Variants in PCDH11X observed in about 807,000 individuals in gnomAD.
The protein encoded by PCDH11X is protocadherin-11 X-linked.
Under a neutral mutation model 53.3 loss-of-function variants are expected in PCDH11X, and 18 were observed. The ratio of observed to expected loss-of-function variants is 0.34; its 90% CI spans 0.23 to 0.50. The LOEUF is 0.50. PCDH11X is among the 20% of genes least tolerant of loss of function. The probability of loss-of-function intolerance (pLI) is 0.98; values close to 1 mark genes in which losing one functional copy is unlikely to be tolerated. For missense variants in PCDH11X, 570 were observed against 1,032.4 expected, an observed-to-expected ratio of 0.55 and a Z score of 6.14; for synonymous variants, 279 against 393.3, an observed-to-expected ratio of 0.71 and a Z score of 3.44.
rs58212809 is a variant in PCDH11X, at chrX:92,208,508, AATATATAT to A, written c.3114+7075_3114+7082del. The stretch of plus-strand genomic sequence containing the variant: ...ACAACCGAAGGTGGTCCCTGAAACT[AATATATAT>A]ATATATATATATATATATATACAAT... On this transcript the variant is annotated intron_variant, in intron 7 of 10. Coordinates refer to ENST00000682573, the MANE Select transcript of PCDH11X (RefSeq NM_032968.5). 8.0e-3 allele frequency among the ~76,000 whole-genome samples: 246 copies of A among 30,657 alleles called. 19 individuals are homozygous for A. In the East Asian group the frequency reaches 0.089, roughly 11 times the overall value. The allele number at this position is 30,657 out of a possible 115,157, so 26.6% of individuals were successfully genotyped here. A position where few individuals can be genotyped will look rare whatever the true frequency, so the allele number is the denominator to read the frequency against.
At chrX:91,940,386 C>T (rs1457966485) in intron 6 of PCDH11X, among the ~76,000 whole-genome samples, 9 of 111,570 alleles carry the variant, frequency 8.1e-5, no homozygotes, top group East Asian at 5.7e-4. Context: ...ATTTATAAAA[C>T]ATTAATGACA....
intron 6 of PCDH11X, among the ~76,000 whole-genome samples, chrX:92,103,588 G>A (rs1158250920): frequency 2.7e-5 from 3 of 111,829 alleles, no homozygotes; most frequent in Non-Finnish European, 3.8e-5. Context: ...TGCCAGGTGA[G>A]TTGAACAGTC....
At chrX:92,128,175 G>A (rs188353754) in intron 6 of PCDH11X, among the ~76,000 whole-genome samples, 53 of 111,303 alleles carry the variant, frequency 4.8e-4, no homozygotes, top group African/African-American at 1.7e-3. Flanking sequence ...CTTTACAAAC[G>A]TAAAATAGTC....
At chrX:92,443,814 T>G (rs1367551056) in intron 9 of PCDH11X, among the ~76,000 whole-genome samples, 1 of 111,738 alleles carries the variant, frequency 8.9e-6, no homozygotes, top group Non-Finnish European at 1.9e-5. Context: ...TTGTTGACTT[T>G]GTTGAAGATA....
intron 8 of PCDH11X, among the ~76,000 whole-genome samples, chrX:92,343,374 C>T (rs1156467310): frequency 1.8e-5 from 2 of 111,730 alleles, no homozygotes; most frequent in Non-Finnish European, 3.8e-5. Context: ...AATAGCTTTA[C>T]TGAGTCGGTT....
intron 6 of PCDH11X, among the ~76,000 whole-genome samples, chrX:91,932,088 T>G (rs1188433417): frequency 9.0e-6 from 1 of 111,154 alleles, no homozygotes; most frequent in Non-Finnish European, 1.9e-5. Flanking sequence ...GTATTTGATT[T>G]TCTGCTCCTG....
chrX:92,325,500 C>T (rs925018524), intron 8 of PCDH11X, among the ~76,000 whole-genome samples: 8 of 111,480 alleles, frequency 7.2e-5, no homozygotes, highest in Non-Finnish European at 1.5e-4. Context: ...GGAAATGCAG[C>T]GTTCTAATTT....
At chrX:92,572,747 G>T (rs1344969463) in intron 10 of PCDH11X, among the ~76,000 whole-genome samples, 1 of 95,476 alleles carries the variant, frequency 1.0e-5, no homozygotes, top group Non-Finnish European at 2.1e-5. Flanking sequence ...AGCCAGGTGT[G>T]GTGGTGTGCA....
chrX:91,827,775 T>C (rs1936970203), intron 4 of PCDH11X, among the ~76,000 whole-genome samples: 1 of 111,302 alleles, frequency 9.0e-6, no homozygotes, highest in South Asian at 3.7e-4. Context: ...TGTGGCCTTA[T>C]ATCTGGGCTC....
chrX:91,871,350 G>A (rs1939299584), intron 5 of PCDH11X, among the ~76,000 whole-genome samples: 1 of 105,703 alleles, frequency 9.5e-6, no homozygotes, highest in African/African-American at 3.5e-5. Context: ...TATCAGGTTA[G>A]TTATTGATAA....
At chrX:91,903,423 G>A (rs1168836686) in intron 6 of PCDH11X, among the ~76,000 whole-genome samples, 2 of 111,075 alleles carry the variant, frequency 1.8e-5, no homozygotes, top group African/African-American at 6.6e-5. Flanking sequence ...ACTCTCCATG[G>A]TGTGGTCTTG....
rs1158660216 is a variant in PCDH11X, at chrX:92,136,984, CTTTTTTT to C, written c.3034-64384_3034-64378del. ...TACTCGTCATTTTTGTTTCTTTTTT[CTTTTTTT>C]TTTTTTCTTGAGACAGAATCTCATA... On this transcript the variant is annotated intron_variant, in intron 6 of 10. Coordinates refer to ENST00000682573, the MANE Select transcript of PCDH11X (RefSeq NM_032968.5). 1.9e-3 allele frequency among the ~76,000 whole-genome samples: 183 copies of C among 94,811 alleles called. 5 individuals carry two copies. Among genetic ancestry groups the C allele is most frequent in the Non-Finnish European group, 5.0e-4 (24 of 47,923 alleles). 82.3% of individuals were successfully genotyped at this position (94,811 alleles called of 115,157 possible).
chrX:91,860,618 T>C (rs778259763), intron 5 of PCDH11X, among the ~76,000 whole-genome samples: 77 of 111,907 alleles, frequency 6.9e-4, no homozygotes, highest in African/African-American at 2.3e-3. Context: ...ATGGCTCTTA[T>C]TATTTTGAGA....
At chrX:91,970,280 G>C (rs1317637216) in intron 6 of PCDH11X, among the ~76,000 whole-genome samples, 2 of 111,389 alleles carry the variant, frequency 1.8e-5, no homozygotes, top group Admixed American at 9.5e-5. Flanking sequence ...CACTTCTGGC[G>C]AGGGTGGCCT....
At chrX:92,370,321 T>C (rs2070585401) in intron 8 of PCDH11X, among the ~76,000 whole-genome samples, 1 of 108,532 alleles carries the variant, frequency 9.2e-6, no homozygotes, top group Non-Finnish European at 1.9e-5. Context: ...TATGGCCATA[T>C]ATATTATCTA....
chrX:92,434,858 A>G (rs1246684443), intron 9 of PCDH11X, among the ~76,000 whole-genome samples: 1 of 109,056 alleles, frequency 9.2e-6, no homozygotes, highest in Non-Finnish European at 1.9e-5. Flanking sequence ...AAAGAAGTCT[A>G]TCGACTCAAT....
At chrX:91,791,529 C>A (rs1014540029) in intron 1 of PCDH11X, among the ~76,000 whole-genome samples, 2 of 109,090 alleles carry the variant, frequency 1.8e-5, no homozygotes, top group African/African-American at 6.7e-5. Context: ...ATCCTATCAC[C>A]TTCCACCAGG....
At chrX:92,488,246 G>C (rs1307905097) in intron 10 of PCDH11X, among the ~76,000 whole-genome samples, 1 of 110,573 alleles carries the variant, frequency 9.0e-6, no homozygotes, top group Admixed American at 9.7e-5. Flanking sequence ...GTTTTGTTCA[G>C]TGTCTTGAGA....
At chrX:92,580,784 G>A (rs968834321) in intron 10 of PCDH11X, among the ~76,000 whole-genome samples, 2 of 111,656 alleles carry the variant, frequency 1.8e-5, no homozygotes, top group Admixed American at 9.5e-5. Flanking sequence ...CTGATCAGCG[G>A]GTTGCATAGA....
Sources: gnomAD v4.1 joint callset for allele counts (sites outside exome capture counted in the v4.1 genomes callset) on GRCh38, gnomAD v4.1.1 for gene constraint, MANE v1.5 for transcripts, NCBI Gene and HGNC (gene_info 2026-07-23, HGNC 2026-07-21) for gene names.